The following PSD3 variants were observed in gnomAD, a reference collection of about 807,000 sequenced individuals.
PSD3 encodes pleckstrin and Sec7 domain containing 3, also known as PH and SEC7 domain-containing protein 3.
A neutral mutation model predicts 105.5 loss-of-function variants in PSD3; 49 were observed. That is an observed-to-expected ratio of 0.46 (90% CI 0.37 to 0.59). PSD3 has a LOEUF of 0.59. PSD3 is among the 20% of genes least tolerant of loss of function. The pLI is 0.00. For missense variants in PSD3, 1,561 were observed against 1,263.8 expected (o/e 1.24, Z -3.57); for synonymous variants, 557 against 457.8 (o/e 1.22, Z -2.77).
chr8:18,867,832 G>T lies in PSD3; in HGVS notation c.1476C>A (p.Phe492Leu), dbSNP rs1228601543. 1.4e-5 allele frequency: 22 copies of T among 1,614,012 alleles called. No individual in the cohort carries two copies. Among genetic ancestry groups the T allele is most frequent in the Non-Finnish European group, 1.9e-5 (22 of 1,180,028 alleles). Residue 492 changes from phenylalanine (F) to leucine (L), a missense_variant, in exon 4 of 16, where the codon TTC becomes TTA. Physicochemically the swap from Phe to Leu is conservative, Grantham distance 22. Transcript: ENST00000327040. ...GTCCTCCCCCTGATGTCCTCTCCAA[G>T]AACTGACCACCTTCTTTAATGCGCT... The part of the protein sequence containing the change: ...IQQRIKEGGQ[F>L]LERTSGGGHQ...
At chr8:18,585,891 C>A (rs936347850) in intron 12 of PSD3, among the ~76,000 whole-genome samples, 12 of 152,092 alleles carry the variant, frequency 7.9e-5, no homozygotes, top group African/African-American at 2.9e-4. Flanking sequence ...TGGAGTTTGA[C>A]AAGGCATGTC....
chr8:18,672,498 T>A (rs1799839633), intron 9 of PSD3, among the ~76,000 whole-genome samples: 2 of 152,148 alleles, frequency 1.3e-5, no homozygotes, highest in African/African-American at 4.8e-5. Context: ...ACAAATTAAA[T>A]AATCTCACCC....
intron 15 of PSD3, among the ~76,000 whole-genome samples, chr8:18,551,332 T>C (rs1205573273): frequency 6.6e-6 from 1 of 152,174 alleles, no homozygotes; most frequent in Admixed American, 6.5e-5. Flanking sequence ...AAATGAAAGG[T>C]TTACTATCTG....
At chr8:18,636,810 C>T (rs1386880074) in intron 10 of PSD3, among the ~76,000 whole-genome samples, 1 of 152,186 alleles carries the variant, frequency 6.6e-6, no homozygotes, top group African/African-American at 2.4e-5. Flanking sequence ...GAGCAATAGG[C>T]TATACCATAT....
At chr8:19,004,674 T>C (rs980070379) in intron 1 of PSD3, among the ~76,000 whole-genome samples, 3 of 152,044 alleles carry the variant, frequency 2.0e-5, no homozygotes, top group Non-Finnish European at 2.9e-5. Context: ...GCCAATGATA[T>C]GGTTTGGCTT....
chr8:18,699,902 C>T (rs1043406712), intron 9 of PSD3, among the ~76,000 whole-genome samples: 54 of 151,782 alleles, frequency 3.6e-4, no homozygotes, highest in African/African-American at 1.1e-3. Context: ...CTGCAGATTC[C>T]GCTCCTATAT....
intron 9 of PSD3, among the ~76,000 whole-genome samples, chr8:18,710,435 A>G (rs1362785239): frequency 6.6e-6 from 1 of 152,242 alleles, no homozygotes; most frequent in East Asian, 1.9e-4. Flanking sequence ...GATGTCATCC[A>G]GGAGAACTTC....
intron 4 of PSD3, among the ~76,000 whole-genome samples, chr8:18,809,174 T>C (rs1429039202): frequency 2.6e-5 from 4 of 152,156 alleles, no homozygotes; most frequent in South Asian, 2.1e-4. Flanking sequence ...GTTCTGTAGT[T>C]TGGATTTTCT....
intron 9 of PSD3, among the ~76,000 whole-genome samples, chr8:18,676,283 A>T (rs1028308208): frequency 2.0e-5 from 3 of 152,298 alleles, no homozygotes; most frequent in South Asian, 2.1e-4. Context: ...AATGTGTTCA[A>T]ATACAGTCTA....
chr8:19,014,846 C>T (rs1331269785), upstream of PSD3, among the ~76,000 whole-genome samples: 1 of 152,170 alleles, frequency 6.6e-6, no homozygotes, highest in Admixed American at 6.5e-5. The surrounding 1 kb of genome is among the most constrained non-coding windows in gnomAD (Gnocchi z 4.9). Flanking sequence ...GCCTTGGCTG[C>T]CCCATCTGCA....
chr8:18,631,691 C>T (rs1249388033), intron 11 of PSD3, among the ~76,000 whole-genome samples: 1 of 151,692 alleles, frequency 6.6e-6, no homozygotes, highest in Non-Finnish European at 1.5e-5. Context: ...ATAAGGTGCA[C>T]AGAAGATATG....
intron 2 of PSD3, among the ~76,000 whole-genome samples, chr8:18,875,409 G>A (rs1448693504): frequency 6.6e-6 from 1 of 151,622 alleles, no homozygotes; most frequent in Admixed American, 6.6e-5. Flanking sequence ...TCTTCCTAGG[G>A]TGGAATATTG....
chr8:18,786,259 C>A (rs1014965840), intron 8 of PSD3, among the ~76,000 whole-genome samples: 1 of 152,056 alleles, frequency 6.6e-6, no homozygotes, highest in Non-Finnish European at 1.5e-5. Context: ...AAAAAAAATT[C>A]TTTTGGGAGA....
At chr8:19,051,762 T>A (rs1180331967) in intron 1 of PSD3, among the ~76,000 whole-genome samples, 1 of 152,212 alleles carries the variant, frequency 6.6e-6, no homozygotes, top group African/African-American at 2.4e-5. Context: ...ATTTGGTTCA[T>A]CATTGTATCC....
chr8:18,662,754 C>T (rs1459416785), intron 9 of PSD3, among the ~76,000 whole-genome samples: 3 of 152,216 alleles, frequency 2.0e-5, no homozygotes, highest in East Asian at 1.9e-4. Context: ...TTTCTTTAGT[C>T]TCTGCTCCCT....
At chr8:19,021,572 A>AAAC (rs397721177) in intron 1 of PSD3, among the ~76,000 whole-genome samples, 6 of 150,556 alleles carry the variant, frequency 4.0e-5, no homozygotes, top group African/African-American at 1.5e-4. Context: ...AAAAAAAAAA[A>AAAC]CCCATAGCTT....
intron 15 of PSD3, among the ~76,000 whole-genome samples, chr8:18,540,485 G>A (rs1382965734): frequency 6.6e-6 from 1 of 152,142 alleles, no homozygotes; most frequent in African/African-American, 2.4e-5. Context: ...CTTAAGTGGT[G>A]AAGAAGGAAA....
chr8:18,898,134 T>G (rs1819273484), intron 2 of PSD3, among the ~76,000 whole-genome samples: 1 of 152,176 alleles, frequency 6.6e-6, no homozygotes, highest in Admixed American at 6.5e-5. Flanking sequence ...TTGATTAAAG[T>G]GCAGTTTAAA....
intron 1 of PSD3, among the ~76,000 whole-genome samples, chr8:19,079,638 A>C (rs936974199): frequency 1.3e-5 from 2 of 152,180 alleles, no homozygotes; most frequent in African/African-American, 4.8e-5. Context: ...TTCAACTCGT[A>C]ATAGGGGACT....
Sources: allele counts gnomAD v4.1 joint callset (sites outside exome capture counted in the v4.1 genomes callset), GRCh38; gene constraint gnomAD v4.1.1; non-coding constraint Gnocchi (gnomAD v3.1); transcripts MANE v1.5; gene names NCBI Gene and HGNC (gene_info 2026-07-23, HGNC 2026-07-21).